The following ATG4B variants were observed in gnomAD, a reference collection of about 807,000 sequenced individuals.
The protein encoded by ATG4B is cysteine protease ATG4B.
In ATG4B, 29 loss-of-function variants were observed where a neutral mutation model predicts 56.6. The ratio of observed to expected loss-of-function variants is 0.51; its 90% CI spans 0.38 to 0.70. The LOEUF (loss-of-function observed/expected upper bound fraction) is 0.70, where lower values mean the gene tolerates loss of function less well. ATG4B is among the 30% of genes least tolerant of loss of function. The pLI is 0.00. For missense variants in ATG4B, 461 were observed against 515.5 expected (o/e 0.89, Z 1.02); for synonymous variants, 224 against 206.1 (o/e 1.09, Z -0.74).
In ATG4B at chr2:241,671,762, G is replaced by C. The variant is rs146612967; in HGVS notation, c.1108+357G>C. On this transcript the variant is annotated intron_variant, in intron 12 of 12. Transcript: ENST00000404914. ...TTCACTTGGGCACCACTGGCCATGGGTGGCGTAGACCCCTCGGACCATGGC... is the reference window on the plus strand; with the variant it reads ...TTCACTTGGGCACCACTGGCCATGGCTGGCGTAGACCCCTCGGACCATGGC... The C allele has an allele frequency of 1.1e-3, 1,369 of 1,292,284 alleles. 13 individuals carry two copies. The African/African-American group carries it at 0.019, about 18-fold the overall frequency. 80.1% of individuals were successfully genotyped at this position (1,292,284 alleles called of 1,614,324 possible).
chr2:241,643,644 A>G (rs1408786366), intron 1 of ATG4B, among the ~76,000 whole-genome samples: 3 of 141,748 alleles, frequency 2.1e-5, no homozygotes, highest in Admixed American at 7.3e-5. Flanking sequence ...ATACACATAT[A>G]TGTATAAATA....
chr2:241,645,706 G>A (rs574858276), intron 1 of ATG4B, among the ~76,000 whole-genome samples: 5 of 152,308 alleles, frequency 3.3e-5, no homozygotes, highest in African/African-American at 7.2e-5. Flanking sequence ...CAGGTGTGAC[G>A]TGTGGACACT....
intron 10 of ATG4B, among the ~76,000 whole-genome samples, chr2:241,669,882 C>A (rs574743952): frequency 6.6e-6 from 1 of 151,624 alleles, no homozygotes; most frequent in South Asian, 2.1e-4. Context: ...TTACTGTAAA[C>A]GCAGCTTGGT....
intron 3 of ATG4B, chr2:241,653,264 T>G (rs1464752852): frequency 7.2e-7 from 1 of 1,396,138 alleles, no homozygotes; most frequent in Non-Finnish European, 9.9e-7. Flanking sequence ...GACATTCCTT[T>G]TGCTCCGTGA....
At chr2:241,653,941 A>T (rs2125126520) in intron 4 of ATG4B, among the ~76,000 whole-genome samples, 2 of 146,050 alleles carry the variant, frequency 1.4e-5, no homozygotes, top group Non-Finnish European at 3.0e-5. Flanking sequence ...CAGTGAGCTG[A>T]GATCGCACCA....
intron 1 of ATG4B, chr2:241,638,298 G>A (rs977326714): frequency 6.6e-6 from 1 of 152,256 alleles, no homozygotes; most frequent in East Asian, 1.9e-4. Context: ...TCCGTGACGA[G>A]AAAGAGAAAC....
At chr2:241,661,669 C>T (rs1400038020) in intron 7 of ATG4B, among the ~76,000 whole-genome samples, 1 of 152,158 alleles carries the variant, frequency 6.6e-6, no homozygotes, top group South Asian at 2.1e-4. Context: ...AGCTGCCTGA[C>T]GGTGTTCCCA....
rs1019620263 is a variant in ATG4B at position 241,669,245 on chromosome 2, A to G, written c.957+560A>G. On this transcript the variant is annotated intron_variant, in intron 10 of 12. Coordinates refer to ENST00000404914, the MANE Select transcript of ATG4B (RefSeq NM_013325.5). ...TATGCAGACCTGCCTGCCCTCAAAT[A>G]TATTTGATGGGGAAAGAGGCCAAAA... Among the ~76,000 whole-genome samples the G allele has an allele frequency of 5.3e-5, 8 of 152,232 alleles. 2 individuals carry two copies. Among genetic ancestry groups the G allele is most frequent in the Admixed American group, 6.5e-5 (1 of 15,276 alleles).
At chr2:241,645,904 G>T (rs2068047416) in intron 1 of ATG4B, among the ~76,000 whole-genome samples, 1 of 152,204 alleles carries the variant, frequency 6.6e-6, no homozygotes, top group South Asian at 2.1e-4. Flanking sequence ...GCAGCTTGGG[G>T]CACGGTGTGG....
Position 241,667,649 on chromosome 2 carries a change from C to T in ATG4B, c.733-494C>T, listed in dbSNP as rs192142612. ...CAAGCAGAAGGGAAAACCATCCTTT[C>T]TTCAGGTAACTCAAATTTTAGACCA... On this transcript the variant is annotated intron_variant, in intron 8 of 12. Coordinates refer to ENST00000404914, the MANE Select transcript of ATG4B (RefSeq NM_013325.5). 2.3e-4 allele frequency among the ~76,000 whole-genome samples: 35 copies of T among 151,084 alleles called. 1 individual carries two copies. Among genetic ancestry groups the T allele is most frequent in the Admixed American group, 2.1e-3 (32 of 15,164 alleles).
intron 1 of ATG4B, among the ~76,000 whole-genome samples, chr2:241,648,576 CAA>C (rs2068131818): frequency 1.5e-5 from 2 of 136,950 alleles, no homozygotes; most frequent in African/African-American, 5.6e-5. Flanking sequence ...GCCTGGGTGA[CAA>C]AATGAGTCCC....
At chr2:241,671,613 T>A (rs2068974407) in intron 12 of ATG4B, 1 of 1,490,450 alleles carries the variant, frequency 6.7e-7, no homozygotes, top group Non-Finnish European at 9.0e-7. Flanking sequence ...CCACCTCGTC[T>A]TCCCCACCAG....
intron 6 of ATG4B, among the ~76,000 whole-genome samples, chr2:241,657,286 C>G (rs1015725026): frequency 7.3e-6 from 1 of 136,736 alleles, no homozygotes; most frequent in African/African-American, 2.8e-5. Flanking sequence ...GGACTCCTCT[C>G]TTTCTTTTTT....
At chr2:241,654,763 C>A (rs1206529948) in intron 5 of ATG4B, 116 bp downstream of exon 5, 2 of 780,438 alleles carry the variant, frequency 2.6e-6, no homozygotes, top group Non-Finnish European at 4.3e-6. Flanking sequence ...AGGCTGTAAA[C>A]CTGTAAACAC....
At chr2:241,638,140 A>T (rs1354533790) in intron 1 of ATG4B, 1 of 157,464 alleles carries the variant, frequency 6.4e-6, no homozygotes. Flanking sequence ...GCCTTTCCGC[A>T]GCTGAGCGTG....
At chr2:241,638,399 G>A (rs2067755754) in intron 1 of ATG4B, 1 of 151,926 alleles carries the variant, frequency 6.6e-6, no homozygotes, top group East Asian at 1.9e-4. Context: ...AGGGAGTGTT[G>A]GTTTTTTTCC....
chr2:241,654,194 G>A (rs1300953657), intron 4 of ATG4B, among the ~76,000 whole-genome samples: 11 of 151,870 alleles, frequency 7.2e-5, no homozygotes, highest in Middle Eastern at 3.2e-3. Context: ...ATGCCGAGGC[G>A]GGTGGGTCAC....
At chr2:241,655,931 C>T (rs2068387043) in intron 6 of ATG4B, among the ~76,000 whole-genome samples, 2 of 152,242 alleles carry the variant, frequency 1.3e-5, no homozygotes, top group African/African-American at 2.4e-5. Context: ...CCACTCTTCA[C>T]TCCTCTTGAC....
rs748652246 is a variant in ATG4B at position 241,668,205 on chromosome 2, C to T, written c.795C>T (p.Tyr265=). The stretch of plus-strand genomic sequence containing the variant: ...GAGGGAAGCCCAACAGCGCCCACTA[C>T]TTCATCGGCTACGTTGGTGAGTCCA... ...VIGGKPNSAH[Y]FIGYVGEELI... The change falls in exon 9 of 13, where the codon TAC becomes TAT. Residue 265 remains tyrosine (Y), a synonymous_variant. Coordinates refer to ENST00000404914, the MANE Select transcript of ATG4B (RefSeq NM_013325.5). The surrounding 1 kb of genome is among the most constrained non-coding windows in gnomAD (Gnocchi z 4.2). 3.7e-6 allele frequency: 6 copies of T among 1,605,860 alleles called. 1 individual carries two copies. The South Asian group carries it at 6.7e-5, about 18-fold the overall frequency.
Sources: gnomAD v4.1 joint callset for allele counts (sites outside exome capture counted in the v4.1 genomes callset) on GRCh38, gnomAD v4.1.1 for gene constraint, Gnocchi (gnomAD v3.1) non-coding constraint, MANE v1.5 for transcripts, NCBI Gene and HGNC (gene_info 2026-07-23, HGNC 2026-07-21) for gene names.